Variants in EDN3 observed in about 807,000 individuals in gnomAD.
EDN3 encodes the protein endothelin-3.
A neutral mutation model predicts 21.4 loss-of-function variants in EDN3; 9 were observed. The ratio of observed to expected loss-of-function variants is 0.42; its 90% CI spans 0.25 to 0.73. The LOEUF is 0.73. Among genes scored for constraint, EDN3 ranks in the 30% least tolerant of loss-of-function variants. The pLI is 0.26. For synonymous variants in EDN3, 133 were observed against 126.2 expected, an observed-to-expected ratio of 1.05 and a Z score of -0.36; for missense variants, 327 against 309.4, an observed-to-expected ratio of 1.06 and a Z score of -0.43.
chr20:59,304,461 C>G (rs1179145077), intron 2 of EDN3, among the ~76,000 whole-genome samples: 1 of 152,222 alleles, frequency 6.6e-6, no homozygotes, highest in East Asian at 1.9e-4. Flanking sequence ...GGCAGCTGTT[C>G]TGGGCACGAG....
intron 2 of EDN3, among the ~76,000 whole-genome samples, chr20:59,307,876 G>A (rs938650797): frequency 2.1e-4 from 31 of 150,024 alleles, no homozygotes; most frequent in African/African-American, 6.9e-4. Flanking sequence ...TGTAGAGATC[G>A]GGTCTTGTTA....
chr20:59,313,357 T>C (rs958605060), intron 2 of EDN3, among the ~76,000 whole-genome samples: 8 of 152,188 alleles, frequency 5.3e-5, no homozygotes, highest in Non-Finnish European at 8.8e-5. Flanking sequence ...GCCAGGGGGT[T>C]GTGCCTGGGC....
At chr20:59,309,804 C>T (rs1989676748) in intron 2 of EDN3, among the ~76,000 whole-genome samples, 1 of 152,106 alleles carries the variant, frequency 6.6e-6, no homozygotes, top group Admixed American at 6.5e-5. Flanking sequence ...TGGGGATGCA[C>T]AGGTAGAAAG....
Position 59,313,990 on chromosome 20 carries a change from C to T in EDN3, c.366-7027C>T, listed in dbSNP as rs963949860. 2.6e-5 allele frequency among the ~76,000 whole-genome samples: 4 copies of T among 152,136 alleles called. No individual in the cohort carries two copies. The South Asian group carries it at 6.2e-4, about 24-fold the overall frequency. On this transcript the variant is annotated intron_variant, in intron 2 of 4. Transcript: ENST00000337938. ...GGCAAGGAATAAGTTCAGTAGAGGA[C>T]GAAACTTCTGAGGTGGTCAAATGAG...
intron 2 of EDN3, among the ~76,000 whole-genome samples, chr20:59,315,295 G>A (rs558700491): frequency 6.6e-6 from 1 of 152,364 alleles, no homozygotes; most frequent in African/African-American, 2.4e-5. Context: ...GCTGCCTCCT[G>A]ACTGTCTGCC....
chr20:59,321,366 A>T (rs907280574), intron 3 of EDN3, among the ~76,000 whole-genome samples, 173 bp downstream of exon 3: 2 of 152,200 alleles, frequency 1.3e-5, no homozygotes, highest in South Asian at 4.1e-4. Flanking sequence ...CCAGGTCCTC[A>T]GCATCAGGAG....
rs751597991 is a variant in EDN3, at chr20:59,324,506, C to A, written c.*47C>A. On this transcript the variant is annotated 3_prime_UTR_variant, in exon 5 of 5. Coordinates refer to ENST00000337938, the MANE Select transcript of EDN3 (RefSeq NM_207034.3). ...TGGTCTCGGGAGGCTTCTGTCATTG[C>A]TCACACACAGTTCAGATTTCCACCT... 2 of 1,613,158 alleles carry A rather than the reference C, an allele frequency of 1.2e-6. No homozygotes were observed. The highest frequency in any genetic ancestry group is 1.7e-6 in the Non-Finnish European group (2 of 1,179,592).
At chr20:59,316,013 G>A (rs377089759) in intron 2 of EDN3, among the ~76,000 whole-genome samples, 67 of 152,206 alleles carry the variant, frequency 4.4e-4, no homozygotes, top group African/African-American at 1.5e-3. Flanking sequence ...GTGAAACCCT[G>A]TCTCTACTAA....
At position 59,321,277 on chromosome 20, in the gene EDN3, G is replaced by T. The variant is rs548432508; in HGVS notation, c.542+84G>T. 5 of 1,459,838 alleles carry T rather than the reference G, an allele frequency of 3.4e-6. No homozygotes were observed. The African/African-American group carries it at 4.2e-5, about 12-fold the overall frequency. The allele number at this position is 1,459,838 out of a possible 1,614,324, so 90.4% of individuals were successfully genotyped here. On this transcript the variant is annotated intron_variant, in intron 3 of 4. Coordinates refer to ENST00000337938, the MANE Select transcript of EDN3 (RefSeq NM_207034.3). ...CAGGCCAGGGGCTTCTCAAAGGAGG[G>T]TGTAGGATAGTTCAGTCACATCCTG...
intron 2 of EDN3, among the ~76,000 whole-genome samples, chr20:59,314,874 T>A (rs1990074695): frequency 6.6e-6 from 1 of 152,324 alleles, no homozygotes; most frequent in South Asian, 2.1e-4. Context: ...CTCCATGTGT[T>A]GTGCGTAGCA....
chr20:59,302,968 G>T (rs1317567799), intron 2 of EDN3, among the ~76,000 whole-genome samples: 1 of 152,068 alleles, frequency 6.6e-6, no homozygotes, highest in African/African-American at 2.4e-5. Flanking sequence ...TTTCAGACCA[G>T]GGGACAAGAC....
chr20:59,321,794 T>C (rs971203483), intron 3 of EDN3, among the ~76,000 whole-genome samples: 4 of 152,224 alleles, frequency 2.6e-5, no homozygotes, highest in Non-Finnish European at 4.4e-5. Flanking sequence ...CTGTGGTCTG[T>C]CCTGGCTGCC....
intron 2 of EDN3, among the ~76,000 whole-genome samples, chr20:59,307,028 C>G (rs1485426123): frequency 3.3e-5 from 5 of 152,158 alleles, no homozygotes; most frequent in African/African-American, 7.2e-5. Context: ...GCCTGTAGTC[C>G]CAGCTACTGG....
At chr20:59,308,005 G>C in intron 2 of EDN3, among the ~76,000 whole-genome samples, 1 of 152,032 alleles carries the variant, frequency 6.6e-6, no homozygotes, top group East Asian at 1.9e-4. Context: ...TAACACATGG[G>C]CAAAACCCAA....
chr20:59,313,083 C>G (rs1166435202), intron 2 of EDN3, among the ~76,000 whole-genome samples: 1 of 152,140 alleles, frequency 6.6e-6, no homozygotes, highest in Non-Finnish European at 1.5e-5. Flanking sequence ...TCTAGGAAAA[C>G]CCCTCAAAGA....
intron 2 of EDN3, among the ~76,000 whole-genome samples, chr20:59,312,918 C>T (rs1989926545): frequency 6.6e-6 from 1 of 152,160 alleles, no homozygotes; most frequent in Non-Finnish European, 1.5e-5. Context: ...CTGGGTCTTC[C>T]AGCTTAGTAA....
intron 2 of EDN3, among the ~76,000 whole-genome samples, chr20:59,315,915 T>A (rs1272007630): frequency 1.3e-5 from 2 of 152,218 alleles, no homozygotes; most frequent in African/African-American, 4.8e-5. Context: ...CAAAAAACAC[T>A]ATGGTTCACG....
At chr20:59,320,949 A>C in intron 2 of EDN3, 68 bp from the exon 3 acceptor site, 1 of 1,582,506 alleles carries the variant, frequency 6.3e-7, no homozygotes, top group Non-Finnish European at 8.7e-7. Context: ...TTCTCGCTCC[A>C]CACCCTTGGG....
At chr20:59,313,135 A>C (rs749141735) in intron 2 of EDN3, among the ~76,000 whole-genome samples, 4 of 152,240 alleles carry the variant, frequency 2.6e-5, no homozygotes, top group Non-Finnish European at 4.4e-5. Flanking sequence ...CCATTGAGTC[A>C]GCCAAGAATG....
Sources: gnomAD v4.1 joint callset for allele counts (sites outside exome capture counted in the v4.1 genomes callset) on GRCh38, gnomAD v4.1.1 for gene constraint, MANE v1.5 for transcripts, NCBI Gene and HGNC (gene_info 2026-07-23, HGNC 2026-07-21) for gene names.